The following PAX7 variants were observed in gnomAD, a reference collection of about 807,000 sequenced individuals.
The protein encoded by PAX7 is paired box protein Pax-7.
Under a neutral mutation model 50.7 loss-of-function variants are expected in PAX7, and 18 were observed. The ratio of observed to expected loss-of-function variants is 0.36; its 90% CI spans 0.25 to 0.53. The LOEUF is 0.53. Among genes scored for constraint, PAX7 ranks in the 20% least tolerant of loss-of-function variants. The pLI is 0.93. For synonymous variants in PAX7, 310 were observed against 290.4 expected, an observed-to-expected ratio of 1.07 and a Z score of -0.69; for missense variants, 644 against 702.9, an observed-to-expected ratio of 0.92 and a Z score of 0.95.
In PAX7 at chr1:18,733,619, G is replaced by A. The variant is rs113707141; in HGVS notation, c.1156-2013G>A. On this transcript the variant is annotated intron_variant, in intron 7 of 8. Coordinates refer to ENST00000420770, the MANE Select transcript of PAX7 (RefSeq NM_001135254.2). ...GGAGGGGAGACCCCCAGGGCTGAGGGCATGGGGGAAAGAACCAGGCAGAGG... is the reference window on the plus strand; with the variant it reads ...GGAGGGGAGACCCCCAGGGCTGAGGACATGGGGGAAAGAACCAGGCAGAGG... Among the ~76,000 whole-genome samples, 362 of 152,272 alleles carry A rather than the reference G, an allele frequency of 2.4e-3. 2 individuals carry two copies. The highest frequency in any genetic ancestry group is 8.5e-3 in the African/African-American group (352 of 41,528).
In PAX7 at chr1:18,634,442, G is replaced by T; in HGVS notation, c.225G>T (p.Gln75His). Residue 75 changes from glutamine (Q) to histidine (H), a missense_variant, in exon 2 of 9, where the codon CAG becomes CAT. By Grantham distance (24) the Gln-to-His change is conservative. Coordinates refer to ENST00000420770, the MANE Select transcript of PAX7 (RefSeq NM_001135254.2). The surrounding 1 kb of genome is among the most constrained non-coding windows in gnomAD (Gnocchi z 4.0). Reference protein sequence around the residue: ...HGIRPCVISRQLRVSHGCVSK... With the variant: ...HGIRPCVISRHLRVSHGCVSK... ...TCCGGCCCTGTGTCATCTCCCGACAGCTGCGTGTCTCCCACGGCTGCGTCT... is the reference window on the plus strand; with the variant it reads ...TCCGGCCCTGTGTCATCTCCCGACATCTGCGTGTCTCCCACGGCTGCGTCT... The T allele has an allele frequency of 6.2e-7, 1 of 1,614,226 alleles. No homozygotes were observed. The highest frequency in any genetic ancestry group is 8.5e-7 in the Non-Finnish European group (1 of 1,180,048).
In PAX7 at chr1:18,744,875, G is replaced by A. The variant is rs773419509; in HGVS notation, c.1464G>A (p.Gly488=). 2.7e-5 allele frequency: 42 copies of A among 1,558,274 alleles called. 1 individual carries two copies. In the South Asian group the frequency reaches 3.9e-4, roughly 15 times the overall value. ...SLSTQRRMKL[G]EHSAVLGLLP... ...CCACCCAGCGTCGCATGAAGCTCGG[G>A]GAGCACTCTGCTGTGCTGGGACTCC... Residue 488 remains glycine (G), a synonymous_variant, in exon 9 of 9, where the codon GGG becomes GGA. Transcript: ENST00000420770.
intron 7 of PAX7, among the ~76,000 whole-genome samples, chr1:18,703,909 G>A (rs2089253835): frequency 6.6e-6 from 1 of 152,192 alleles, no homozygotes; most frequent in African/African-American, 2.4e-5. Flanking sequence ...CCTGTGGAAT[G>A]GGTCTAAATC....
intron 7 of PAX7, among the ~76,000 whole-genome samples, chr1:18,719,069 T>C (rs1333966643): frequency 6.6e-6 from 1 of 152,160 alleles, no homozygotes; most frequent in African/African-American, 2.4e-5. Context: ...ATTTTGCAAA[T>C]AGAGACACTC....
At chr1:18,708,898 G>A (rs935372807) in intron 7 of PAX7, among the ~76,000 whole-genome samples, 4 of 152,162 alleles carry the variant, frequency 2.6e-5, no homozygotes, top group Non-Finnish European at 5.9e-5. Flanking sequence ...GACAGGTGGG[G>A]AAGACAGGCA....
At chr1:18,684,178 G>A (rs963081660) in intron 4 of PAX7, among the ~76,000 whole-genome samples, 7 of 152,220 alleles carry the variant, frequency 4.6e-5, no homozygotes, top group Non-Finnish European at 1.0e-4. Flanking sequence ...GTGGTGGCTG[G>A]AGTCCAGGAA....
At chr1:18,686,381 C>T (rs2088976401) in intron 4 of PAX7, among the ~76,000 whole-genome samples, 1 of 152,214 alleles carries the variant, frequency 6.6e-6, no homozygotes, top group South Asian at 2.1e-4. Context: ...CTGGGACCAT[C>T]CCATTCCTTA....
chr1:18,654,435 A>C (rs1258265741), intron 4 of PAX7, among the ~76,000 whole-genome samples: 2 of 152,218 alleles, frequency 1.3e-5, no homozygotes, highest in African/African-American at 4.8e-5. Flanking sequence ...ACCCAGCTCC[A>C]ACACCGTTCT....
At chr1:18,655,945 G>A (rs890517353) in intron 4 of PAX7, among the ~76,000 whole-genome samples, 5 of 152,120 alleles carry the variant, frequency 3.3e-5, no homozygotes, top group African/African-American at 1.2e-4. Flanking sequence ...AGGCGGAACA[G>A]CTTGGGGGTT....
chr1:18,673,881 C>T (rs188927046), intron 4 of PAX7, among the ~76,000 whole-genome samples: 312 of 152,276 alleles, frequency 2.0e-3, no homozygotes, highest in African/African-American at 7.1e-3. Context: ...GGGAATTCGA[C>T]GGAATATCTG....
At chr1:18,631,997 C>A (rs1478757077) in intron 1 of PAX7, among the ~76,000 whole-genome samples, 1 of 152,180 alleles carries the variant, frequency 6.6e-6, no homozygotes, top group Non-Finnish European at 1.5e-5. Flanking sequence ...AATTTCAGCT[C>A]TTTCCACTAT....
intron 7 of PAX7, among the ~76,000 whole-genome samples, chr1:18,721,664 C>T (rs1371445770): frequency 6.6e-6 from 1 of 152,230 alleles, no homozygotes; most frequent in Non-Finnish European, 1.5e-5. Context: ...GCCCCACACA[C>T]TCTTGATACC....
intron 7 of PAX7, among the ~76,000 whole-genome samples, chr1:18,729,456 T>C (rs1375419700): frequency 6.6e-6 from 1 of 152,214 alleles, no homozygotes; most frequent in Non-Finnish European, 1.5e-5. Context: ...ATGTGCATAT[T>C]TGGGTGTATT....
chr1:18,708,973 A>C (rs1016062261), intron 7 of PAX7, among the ~76,000 whole-genome samples: 22 of 152,066 alleles, frequency 1.4e-4, no homozygotes, highest in Admixed American at 1.4e-3. Flanking sequence ...ACCAGGAGAA[A>C]AGTTCTGCCA....
chr1:18,748,175 A>G lies in PAX7; in HGVS notation c.*3246A>G. ...TTGCCCAGAAGGAAAACGAAGAGCC[A>G]GATTGAAATCTGACTCTGGCTTGAG... is the stretch of plus-strand genomic sequence containing the variant. On this transcript the variant is annotated 3_prime_UTR_variant, in exon 9 of 9. Transcript: ENST00000420770. 1 of 223,250 alleles carries G rather than the reference A, an allele frequency of 4.5e-6. No individual in the cohort carries two copies. Among genetic ancestry groups the G allele is most frequent in the East Asian group, 6.5e-5 (1 of 15,396 alleles). 13.8% of individuals were successfully genotyped at this position (223,250 alleles called of 1,614,324 possible).
intron 4 of PAX7, among the ~76,000 whole-genome samples, chr1:18,659,781 C>G (rs529583092): frequency 6.6e-6 from 1 of 152,164 alleles, no homozygotes; most frequent in Non-Finnish European, 1.5e-5. Flanking sequence ...AGCCTTCAGT[C>G]CCAGGCAGAC....
At chr1:18,731,742 C>T (rs1411483433) in intron 7 of PAX7, among the ~76,000 whole-genome samples, 2 of 152,124 alleles carry the variant, frequency 1.3e-5, no homozygotes, top group Non-Finnish European at 2.9e-5. Context: ...GCAGCACATC[C>T]TCCATTCACA....
intron 4 of PAX7, among the ~76,000 whole-genome samples, chr1:18,685,932 T>C (rs1376747779): frequency 2.0e-5 from 3 of 152,036 alleles, no homozygotes; most frequent in Non-Finnish European, 4.4e-5. Context: ...ACCATCACCA[T>C]CACCACCATC....
chr1:18,726,774 C>G lies in PAX7; in HGVS notation c.1156-8858C>G, dbSNP rs1160588208. Among the ~76,000 whole-genome samples the G allele has an allele frequency of 5.3e-5, 8 of 152,214 alleles. No homozygotes were observed. Among genetic ancestry groups the G allele is most frequent in the African/African-American group, 7.2e-5 (3 of 41,444 alleles). Reference sequence around the variant, plus strand: ...GCAGTTTCACAAATTATCCCCTCTGCTTTCCTCTTCACTCAGACAGAGCCG... The same window carrying G: ...GCAGTTTCACAAATTATCCCCTCTGGTTTCCTCTTCACTCAGACAGAGCCG... On this transcript the variant is annotated intron_variant, in intron 7 of 8. Transcript: ENST00000420770. The surrounding 1 kb of genome is among the most constrained non-coding windows in gnomAD (Gnocchi z 4.8).
Sources: gnomAD v4.1 joint callset for allele counts (sites outside exome capture counted in the v4.1 genomes callset) on GRCh38, gnomAD v4.1.1 for gene constraint, Gnocchi (gnomAD v3.1) non-coding constraint, MANE v1.5 for transcripts, NCBI Gene and HGNC (gene_info 2026-07-23, HGNC 2026-07-21) for gene names.